TENM3: variants seen among roughly 807,000 people sequenced by gnomAD.
TENM3 encodes the protein teneurin transmembrane protein 3, also known as teneurin-3.
In TENM3, 63 loss-of-function variants were observed where a neutral mutation model predicts 255.1. The observed-to-expected ratio is 0.25, with a 90% CI of 0.20 to 0.30. The LOEUF (loss-of-function observed/expected upper bound fraction) is 0.30, where lower values mean the gene tolerates loss of function less well. Among genes scored for constraint, TENM3 ranks in the 10% least tolerant of loss-of-function variants. TENM3 has a pLI of 1.00. For synonymous variants in TENM3, 1,306 were observed against 1,322.3 expected (o/e 0.99, Z 0.27); for missense variants, 2,929 against 3,461.1 (o/e 0.85, Z 3.86).
At chr4:182,594,706 G>A (rs1408933062) in intron 3 of TENM3, among the ~76,000 whole-genome samples, 2 of 121,108 alleles carry the variant, frequency 1.7e-5, no homozygotes, top group African/African-American at 5.3e-5. Context: ...GTGTGTGTGT[G>A]TGTGTGTGTG....
the TENM3 span, among the ~76,000 whole-genome samples, chr4:181,745,352 A>G: frequency 6.8e-4 from 103 of 152,216 alleles, no homozygotes; most frequent in Admixed American, 1.2e-3. Context: ...CTGCTCATTG[A>G]AGGAATTTTG....
At chr4:181,681,547 A>C in the TENM3 span, among the ~76,000 whole-genome samples, 1 of 152,270 alleles carries the variant, frequency 6.6e-6, no homozygotes, top group East Asian at 1.9e-4. Context: ...CTTTCTGTAT[A>C]AGTAACTTTA....
At chr4:182,677,863 A>G (rs1755787902) in intron 7 of TENM3, among the ~76,000 whole-genome samples, 1 of 152,164 alleles carries the variant, frequency 6.6e-6, no homozygotes, top group South Asian at 2.1e-4. Flanking sequence ...GGTCAGTAAA[A>G]TGGCAATATA....
At chr4:182,364,306 T>C (rs1766249153) in intron 3 of TENM3, among the ~76,000 whole-genome samples, 1 of 152,246 alleles carries the variant, frequency 6.6e-6, no homozygotes, top group African/African-American at 2.4e-5. Context: ...AGCAGATGGA[T>C]AATAAACACT....
chr4:182,283,114 G>A (rs965767044), intron 1 of TENM3, among the ~76,000 whole-genome samples: 17 of 151,924 alleles, frequency 1.1e-4, no homozygotes, highest in South Asian at 2.1e-4. Context: ...GATACTTACC[G>A]CATTTTTAAA....
At chr4:182,448,885 C>A in intron 3 of TENM3, 1 of 223,086 alleles carries the variant, frequency 4.5e-6, no homozygotes, top group South Asian at 4.7e-5. Flanking sequence ...GGTGGCGGCC[C>A]GGCGCGAAGG....
chr4:182,228,392 G>GTC (rs139457090), intron 1 of TENM3, among the ~76,000 whole-genome samples: 1 of 104,428 alleles, frequency 9.6e-6, no homozygotes, highest in Non-Finnish European at 2.0e-5. Flanking sequence ...GTGTGTGTGT[G>GTC]TATATGTAAT....
chr4:182,474,815 A>G (rs1019574858), intron 3 of TENM3, among the ~76,000 whole-genome samples: 1 of 152,082 alleles, frequency 6.6e-6, no homozygotes, highest in Non-Finnish European at 1.5e-5. Flanking sequence ...TGATATTAAT[A>G]TTGTATCCCC....
At chr4:182,665,907 A>G (rs1754637092) in intron 6 of TENM3, among the ~76,000 whole-genome samples, 1 of 152,106 alleles carries the variant, frequency 6.6e-6, no homozygotes, top group South Asian at 2.1e-4. Flanking sequence ...AAAAAAAATA[A>G]CACCTTCTGG....
At position 182,530,795 on chromosome 4, in the gene TENM3, G is replaced by A. The variant is rs574555450; in HGVS notation, c.512-70129G>A. On this transcript the variant is annotated intron_variant, in intron 3 of 27. Coordinates refer to ENST00000511685, the MANE Select transcript of TENM3 (RefSeq NM_001080477.4). ...GATTCCCTGTGAAGGTTGAGAAAAA[G>A]GAAAGAGCTCGAAGTGAATCTTAGA... 9.8e-5 allele frequency among the ~76,000 whole-genome samples: 15 copies of A among 152,290 alleles called. 1 individual carries two copies. The South Asian group carries it at 2.9e-3, about 30-fold the overall frequency.
chr4:181,731,135 TA>T, the TENM3 span, among the ~76,000 whole-genome samples: 1 of 152,076 alleles, frequency 6.6e-6, no homozygotes, highest in Non-Finnish European at 1.5e-5. Flanking sequence ...CACTTCGTAA[TA>T]GGGGCAAAAA....
intron 3 of TENM3, among the ~76,000 whole-genome samples, chr4:182,413,063 A>C (rs1279666838): frequency 6.6e-6 from 1 of 152,034 alleles, no homozygotes; most frequent in Non-Finnish European, 1.5e-5. Context: ...TATACACCTT[A>C]TATATAAGAA....
chr4:182,259,634 G>A (rs1023333126), intron 1 of TENM3, among the ~76,000 whole-genome samples: 1 of 151,918 alleles, frequency 6.6e-6, no homozygotes, highest in Non-Finnish European at 1.5e-5. Flanking sequence ...TTTTTTTATT[G>A]ATATGTAACA....
intron 1 of TENM3, among the ~76,000 whole-genome samples, chr4:182,276,052 T>G (rs1458064663): frequency 6.6e-6 from 1 of 151,656 alleles, no homozygotes; most frequent in Middle Eastern, 3.2e-3. Flanking sequence ...CTCTCAGGAG[T>G]GAATTTGCAC....
At chr4:181,490,568 G>C in the TENM3 span, among the ~76,000 whole-genome samples, 2 of 152,080 alleles carry the variant, frequency 1.3e-5, no homozygotes, top group African/African-American at 4.8e-5. Flanking sequence ...CCGAGCAAGA[G>C]GACAGAACTA....
At chr4:182,408,282 T>C (rs1769728729) in intron 3 of TENM3, among the ~76,000 whole-genome samples, 1 of 152,232 alleles carries the variant, frequency 6.6e-6, no homozygotes, top group African/African-American at 2.4e-5. Flanking sequence ...CACCAATTTA[T>C]CAACCATTCC....
At chr4:181,523,338 G>A in the TENM3 span, among the ~76,000 whole-genome samples, 2 of 151,800 alleles carry the variant, frequency 1.3e-5, no homozygotes, top group Non-Finnish European at 2.9e-5. Context: ...TCTGATTTGT[G>A]ATTGAAAGCT....
chr4:182,083,098 C>G, the TENM3 span, among the ~76,000 whole-genome samples: 48,729 of 152,074 alleles, frequency 0.32, 7,901 homozygotes, highest in Admixed American at 0.37. Flanking sequence ...TGAGTTAACA[C>G]AAGTTAAAAG....
chr4:182,706,072 GT>G (rs1388853606), intron 12 of TENM3, among the ~76,000 whole-genome samples: 4 of 152,126 alleles, frequency 2.6e-5, no homozygotes, highest in African/African-American at 9.7e-5. Context: ...TTTCCACGTT[GT>G]TTAGTCTGAT....
Sources: gnomAD v4.1 joint callset for allele counts (sites outside exome capture counted in the v4.1 genomes callset) on GRCh38, gnomAD v4.1.1 for gene constraint, MANE v1.5 for transcripts, NCBI Gene and HGNC (gene_info 2026-07-23, HGNC 2026-07-21) for gene names.